CSRNP3: variants seen among roughly 807,000 people sequenced by gnomAD.
CSRNP3 encodes the protein cysteine and serine rich nuclear protein 3, also known as cysteine/serine-rich nuclear protein 3.
Under a neutral mutation model 48.0 loss-of-function variants are expected in CSRNP3, and 12 were observed. The ratio of observed to expected loss-of-function variants is 0.25; its 90% CI spans 0.16 to 0.41. The LOEUF is 0.41. CSRNP3 is among the 10% of genes least tolerant of loss of function. The pLI is 1.00. For synonymous variants in CSRNP3, 263 were observed against 269.7 expected (o/e 0.98, Z 0.24); for missense variants, 580 against 724.4 (o/e 0.80, Z 2.29).
At chr2:165,486,115 A>T (rs1684110525) in intron 1 of CSRNP3, among the ~76,000 whole-genome samples, 2 of 152,202 alleles carry the variant, frequency 1.3e-5, no homozygotes, top group Non-Finnish European at 2.9e-5. Context: ...AAGCAGGGCG[A>T]GGCATTGCCT....
intron 4 of CSRNP3, among the ~76,000 whole-genome samples, chr2:165,607,967 A>T (rs550773972): frequency 3.3e-5 from 5 of 151,648 alleles, no homozygotes; most frequent in Non-Finnish European, 5.9e-5. Context: ...CTCCAAATAT[A>T]GTATGCCACC....
chr2:165,470,190 A>G (rs1683873763), intron 1 of CSRNP3, among the ~76,000 whole-genome samples: 1 of 152,144 alleles, frequency 6.6e-6, no homozygotes. Context: ...AATATTGACA[A>G]TACAGTAAAA....
At position 165,619,566 on chromosome 2, in the gene CSRNP3, C is replaced by G. The variant is rs564626807; in HGVS notation, c.148+24353C>G. 2.0e-5 allele frequency among the ~76,000 whole-genome samples: 3 copies of G among 151,900 alleles called. No individual in the cohort carries two copies. The East Asian group carries it at 5.8e-4, about 29-fold the overall frequency. ...AGAGAGAATATGTCATTTACAAAATCAATTATAAAGTTCTACACACATACA... is the reference window on the plus strand; with the variant it reads ...AGAGAGAATATGTCATTTACAAAATGAATTATAAAGTTCTACACACATACA... On this transcript the variant is annotated intron_variant, in intron 4 of 6. Transcript: ENST00000651982.
intron 4 of CSRNP3, among the ~76,000 whole-genome samples, chr2:165,643,894 G>A (rs2105336388): frequency 6.6e-6 from 1 of 151,986 alleles, no homozygotes; most frequent in African/African-American, 2.4e-5. Context: ...TTTTTTATAG[G>A]AAAGTCACTC....
chr2:165,628,989 A>G (rs1025935371), intron 4 of CSRNP3, among the ~76,000 whole-genome samples: 1 of 152,192 alleles, frequency 6.6e-6, no homozygotes, highest in Admixed American at 6.5e-5. Context: ...AGGTGGTAGA[A>G]TTTTGGAACC....
chr2:165,595,062 A>G lies in CSRNP3; in HGVS notation c.-4A>G, dbSNP rs1419636943. On this transcript the variant is annotated 5_prime_UTR_variant, in exon 4 of 7. Coordinates refer to ENST00000651982, the MANE Select transcript of CSRNP3 (RefSeq NM_001172173.2). ...TTACAGGTACATGTGACAGCACTGC[A>G]GCGATGAGTGGAATTTTAAAGAGGA... 3 of 1,613,944 alleles carry G rather than the reference A, an allele frequency of 1.9e-6. No homozygotes were observed. The highest frequency in any genetic ancestry group is 2.5e-6 in the Non-Finnish European group (3 of 1,179,996).
At chr2:165,670,284 C>G (rs541600267) in intron 5 of CSRNP3, among the ~76,000 whole-genome samples, 1 of 152,244 alleles carries the variant, frequency 6.6e-6, no homozygotes, top group East Asian at 1.9e-4. Flanking sequence ...CCCTCAAATG[C>G]CCCATGTTCA....
chr2:165,599,957 AG>A (rs1685886232), intron 4 of CSRNP3, among the ~76,000 whole-genome samples: 1 of 150,238 alleles, frequency 6.7e-6, no homozygotes, highest in East Asian at 2.0e-4. Flanking sequence ...TTATACTTTA[AG>A]TTTTAGGGTA....
chr2:165,643,595 GT>G (rs1686763706), intron 4 of CSRNP3, among the ~76,000 whole-genome samples: 1 of 152,142 alleles, frequency 6.6e-6, no homozygotes, highest in South Asian at 2.1e-4. Context: ...GCCACCATCT[GT>G]GAACATTAAT....
rs546210180 is a variant in CSRNP3, at chr2:165,581,354, G to A, written c.-23-13689G>A. Among the ~76,000 whole-genome samples, 9 of 152,262 alleles carry A rather than the reference G, an allele frequency of 5.9e-5. No homozygotes were observed. The South Asian group carries it at 8.3e-4, about 14-fold the overall frequency. ...GTAATTATTAGTAAATGGAATAGCC[G>A]TCCCTCTCTTTGTCAGCAGGACATA... On this transcript the variant is annotated intron_variant, in intron 3 of 6. Transcript: ENST00000651982.
At chr2:165,670,523 C>T (rs563683444) in intron 5 of CSRNP3, among the ~76,000 whole-genome samples, 16 of 152,244 alleles carry the variant, frequency 1.1e-4, no homozygotes, top group African/African-American at 3.9e-4. Flanking sequence ...ATAGTAGGGT[C>T]GTAACTTGAT....
chr2:165,672,614 A>G (rs1306280502), intron 5 of CSRNP3, among the ~76,000 whole-genome samples: 4 of 152,192 alleles, frequency 2.6e-5, no homozygotes, highest in Non-Finnish European at 5.9e-5. Context: ...AGACCATATC[A>G]TGCATCATGG....
chr2:165,593,749 A>G (rs9287859), intron 3 of CSRNP3, among the ~76,000 whole-genome samples: 55,174 of 151,852 alleles, frequency 0.36, 10,097 homozygotes, highest in South Asian at 0.46. Flanking sequence ...AATGTCTTCA[A>G]TTCCTCAGGT....
intron 3 of CSRNP3, among the ~76,000 whole-genome samples, chr2:165,562,980 A>G (rs896776853): frequency 1.3e-5 from 2 of 152,160 alleles, no homozygotes; most frequent in African/African-American, 4.8e-5. Context: ...TGAAGGAGAG[A>G]AGACAGTGTG....
intron 1 of CSRNP3, among the ~76,000 whole-genome samples, chr2:165,490,927 A>C (rs1242280077): frequency 7.3e-6 from 1 of 136,244 alleles, no homozygotes; most frequent in Non-Finnish European, 1.6e-5. Context: ...ACCAATGGCA[A>C]CAAAAGCCAA....
intron 3 of CSRNP3, among the ~76,000 whole-genome samples, chr2:165,565,873 T>C (rs1384457476): frequency 2.0e-5 from 3 of 152,106 alleles, no homozygotes; most frequent in Non-Finnish European, 4.4e-5. Flanking sequence ...GCATTACAAT[T>C]AAGTTCAATT....
At chr2:165,592,849 TG>T (rs1433427567) in intron 3 of CSRNP3, among the ~76,000 whole-genome samples, 5 of 141,706 alleles carry the variant, frequency 3.5e-5, no homozygotes, top group African/African-American at 1.3e-4. Flanking sequence ...TCGCCCAGGC[TG>T]GAGTGCAGTG....
intron 1 of CSRNP3, among the ~76,000 whole-genome samples, chr2:165,475,865 C>T (rs1312594145): frequency 3.3e-5 from 5 of 152,160 alleles, no homozygotes; most frequent in East Asian, 1.9e-4. Context: ...CCTACATTAA[C>T]GGGATTTTAT....
At chr2:165,593,675 G>A (rs1280038376) in intron 3 of CSRNP3, among the ~76,000 whole-genome samples, 2 of 152,162 alleles carry the variant, frequency 1.3e-5, no homozygotes, top group Non-Finnish European at 2.9e-5. Context: ...TCTCAGAATA[G>A]TGTTAAGGGT....
Sources: gnomAD v4.1 joint callset for allele counts (sites outside exome capture counted in the v4.1 genomes callset) on GRCh38, gnomAD v4.1.1 for gene constraint, MANE v1.5 for transcripts, NCBI Gene and HGNC (gene_info 2026-07-23, HGNC 2026-07-21) for gene names.